Variants in ZNF248 observed in about 807,000 individuals in gnomAD.
The protein encoded by ZNF248 is zinc finger protein 248.
Under a neutral mutation model 44.3 loss-of-function variants are expected in ZNF248, and 20 were observed. That is an observed-to-expected ratio of 0.45 (90% CI 0.32 to 0.66). ZNF248 has a LOEUF of 0.66. ZNF248 is among the 30% of genes least tolerant of loss of function. ZNF248 has a pLI of 0.04. For synonymous variants in ZNF248, 224 were observed against 229.0 expected (o/e 0.98, Z 0.20); for missense variants, 654 against 677.0 (o/e 0.97, Z 0.38).
intron 6 of ZNF248, chr10:37,791,785 C>G (rs549283251): frequency 7.9e-5 from 12 of 152,178 alleles, no homozygotes; most frequent in African/African-American, 2.7e-4. Flanking sequence ...CCTGAAAGAG[C>G]TCTCTCAAGC....
chr10:37,766,600 A>T, the ZNF248 span, among the ~76,000 whole-genome samples: 1 of 152,208 alleles, frequency 6.6e-6, no homozygotes, highest in Non-Finnish European at 1.5e-5. Flanking sequence ...AACAGAAAGG[A>T]CATCCACACC....
Position 37,819,885 on chromosome 10 carries a change from G to C in ZNF248, c.330+13140C>G, listed in dbSNP as rs144646932. 1,232 of 777,320 alleles carry C rather than the reference G, an allele frequency of 1.6e-3. 1 individual carries two copies. Among genetic ancestry groups the C allele is most frequent in the Middle Eastern group, 3.2e-3 (14 of 4,418 alleles). 48.2% of individuals were successfully genotyped at this position (777,320 alleles called of 1,614,324 possible). ...GTGAATTTATCCTTTTCTGATGCTT[G>C]ATAAGATTCTGAAAAGCATAACCAT... On this transcript the variant is annotated intron_variant, in intron 6 of 6. Coordinates refer to the ZNF248 transcript ENST00000615949.
chr10:37,844,368 T>C (rs1055039996), intron 3 of ZNF248, among the ~76,000 whole-genome samples: 1 of 152,114 alleles, frequency 6.6e-6, no homozygotes, highest in Non-Finnish European at 1.5e-5. Flanking sequence ...AATGGAAGGT[T>C]GAAATTAAAA....
At chr10:37,801,057 C>T (rs2049752914) in intron 6 of ZNF248, among the ~76,000 whole-genome samples, 1 of 151,664 alleles carries the variant, frequency 6.6e-6, no homozygotes. Context: ...CCACTGTGCC[C>T]GGCCTAAACA....
intron 6 of ZNF248, among the ~76,000 whole-genome samples, chr10:37,814,169 T>G (rs2052034093): frequency 1.3e-5 from 2 of 152,184 alleles, no homozygotes; most frequent in South Asian, 4.1e-4. Flanking sequence ...TCATTTCTTT[T>G]TATGTGTGTT....
intron 6 of ZNF248, among the ~76,000 whole-genome samples, chr10:37,807,560 A>G (rs1049863372): frequency 9.2e-5 from 14 of 152,228 alleles, no homozygotes; most frequent in Admixed American, 7.8e-4. Context: ...ATCAATGTAC[A>G]TGAATGGATT....
At chr10:37,820,220 G>T in intron 6 of ZNF248, 1 of 1,326,730 alleles carries the variant, frequency 7.5e-7, no homozygotes, top group South Asian at 1.2e-5. Flanking sequence ...GGTCGGACTG[G>T]GTCTGTCTGT....
chr10:37,850,980 C>T (rs796253492), intron 3 of ZNF248, among the ~76,000 whole-genome samples: 19 of 152,132 alleles, frequency 1.2e-4, no homozygotes, highest in African/African-American at 4.6e-4. Flanking sequence ...AAAACTTTTG[C>T]TCTGTGAAAC....
chr10:37,844,602 A>G (rs1414188276), intron 3 of ZNF248, among the ~76,000 whole-genome samples: 1 of 152,194 alleles, frequency 6.6e-6, no homozygotes, highest in Non-Finnish European at 1.5e-5. Flanking sequence ...CAACGTAGGG[A>G]GAAGGCAGCT....
rs151305116 is a variant in ZNF248 at position 37,785,409 on chromosome 10, A to C, written c.331-8834T>G. ...ACTGTCAGACTCACACCAAATCATA[A>C]AACAGGCAGGGAAACAACAGTTTAT... On this transcript the variant is annotated intron_variant, in intron 6 of 6. Transcript: ENST00000615949. Among the ~76,000 whole-genome samples, 395 of 152,326 alleles carry C rather than the reference A, an allele frequency of 2.6e-3. 1 individual carries two copies. Among genetic ancestry groups the C allele is most frequent in the African/African-American group, 8.8e-3 (368 of 41,586 alleles).
downstream of ZNF248, chr10:37,775,255 G>T (rs2046499016): frequency 6.6e-6 from 1 of 151,988 alleles, no homozygotes; most frequent in South Asian, 2.1e-4. Context: ...TTTTAGATCT[G>T]TTAACTATAA....
chr10:37,854,378 A>G (rs2060897353), intron 3 of ZNF248, among the ~76,000 whole-genome samples: 4 of 152,238 alleles, frequency 2.6e-5, no homozygotes, highest in Admixed American at 2.6e-4. Flanking sequence ...TGGGGGGGAA[A>G]AAAGACCAGA....
chr10:37,778,901 C>G (rs1311142927), intron 6 of ZNF248, among the ~76,000 whole-genome samples: 1 of 152,124 alleles, frequency 6.6e-6, no homozygotes, highest in Non-Finnish European at 1.5e-5. Context: ...CGCAAATAAA[C>G]TAGAAAATCT....
At chr10:37,759,700 C>T in the ZNF248 span, among the ~76,000 whole-genome samples, 5 of 152,202 alleles carry the variant, frequency 3.3e-5, no homozygotes, top group Non-Finnish European at 7.3e-5. Flanking sequence ...GTTGCTCAGT[C>T]AGACAAGCAA....
chr10:37,796,211 TC>T (rs916473901), intron 6 of ZNF248: 9 of 151,706 alleles, frequency 5.9e-5, no homozygotes, highest in African/African-American at 2.2e-4. Flanking sequence ...CAAACACAAA[TC>T]TTTATAATAC....
downstream of ZNF248, among the ~76,000 whole-genome samples, chr10:37,772,861 G>A (rs1384480904): frequency 1.3e-5 from 2 of 152,110 alleles, no homozygotes; most frequent in Admixed American, 1.3e-4. Flanking sequence ...ACTCACAATA[G>A]CCACCTACAT....
intron 6 of ZNF248, among the ~76,000 whole-genome samples, chr10:37,816,849 G>C (rs2052552672): frequency 6.6e-6 from 1 of 152,082 alleles, no homozygotes; most frequent in Admixed American, 6.6e-5. Context: ...TTAGGAGAAG[G>C]GTGCTGGGTA....
chr10:37,836,389 CAT>C (rs2057176689), intron 5 of ZNF248, among the ~76,000 whole-genome samples: 1 of 152,124 alleles, frequency 6.6e-6, no homozygotes, highest in African/African-American at 2.4e-5. Context: ...TACCATAGCT[CAT>C]GTTTCTTCTC....
At chr10:37,835,340 C>T (rs745535918) in intron 5 of ZNF248, among the ~76,000 whole-genome samples, 39 of 152,248 alleles carry the variant, frequency 2.6e-4, no homozygotes, top group Non-Finnish European at 5.0e-4. Context: ...TACGGTGATG[C>T]CATGGTTGCC....
Sources: allele counts gnomAD v4.1 joint callset (sites outside exome capture counted in the v4.1 genomes callset), GRCh38; gene constraint gnomAD v4.1.1; transcripts MANE v1.5; gene names NCBI Gene and HGNC (gene_info 2026-07-23, HGNC 2026-07-21).